Variants in MEIS2 observed in about 807,000 individuals in gnomAD.
MEIS2 encodes the protein Meis homeobox 2.
A neutral mutation model predicts 58.6 loss-of-function variants in MEIS2; 9 were observed. The observed-to-expected ratio is 0.15, with a 90% confidence interval of 0.09 to 0.27. The LOEUF (loss-of-function observed/expected upper bound fraction) is 0.27, where lower values mean the gene tolerates loss of function less well. Ranked by LOEUF, MEIS2 falls within the 10% of genes least tolerant of loss-of-function variation. The pLI is 1.00. For missense variants in MEIS2, 427 were observed against 635.0 expected (o/e 0.67, Z 3.52); for synonymous variants, 221 against 228.4 (o/e 0.97, Z 0.29).
chr15:36,971,111 T>G (rs1314999980), intron 8 of MEIS2, among the ~76,000 whole-genome samples: 36 of 137,666 alleles, frequency 2.6e-4, no homozygotes, highest in South Asian at 4.9e-4. Flanking sequence ...CTTGGGGGGG[T>G]GGGGGATGTA....
chr15:37,046,315 G>A (rs887624229), intron 7 of MEIS2, among the ~76,000 whole-genome samples: 2 of 152,176 alleles, frequency 1.3e-5, no homozygotes, highest in Non-Finnish European at 2.9e-5. Context: ...GGTACAGGCA[G>A]CTGCAAAGCA....
At chr15:37,039,154 G>T (rs974639586) in intron 7 of MEIS2, among the ~76,000 whole-genome samples, 5 of 152,184 alleles carry the variant, frequency 3.3e-5, no homozygotes. Flanking sequence ...CACTGCAAGT[G>T]CAAGTTTGAA....
Position 36,890,022 on chromosome 15 carries a change from C to T in MEIS2, c.*2151G>A, listed in dbSNP as rs2055792960. On this transcript the variant is annotated 3_prime_UTR_variant, in exon 12 of 12. Transcript: ENST00000561208. ...ACAAAACAATAGAAGTGTATTTCCT[C>T]GTTCATTTATATAGAACCTCCATAA... 6.6e-6 allele frequency: 1 copy of T among 152,104 alleles called. No individual in the cohort carries two copies. Among genetic ancestry groups the T allele is most frequent in the Admixed American group, 6.5e-5 (1 of 15,270 alleles). The allele number at this position is 152,104 out of a possible 1,614,324, so 9.4% of individuals were successfully genotyped here. A position where few individuals can be genotyped will look rare whatever the true frequency, so the allele number is the denominator to read the frequency against.
At chr15:37,019,982 G>T (rs1198761759) in intron 8 of MEIS2, among the ~76,000 whole-genome samples, 1 of 152,062 alleles carries the variant, frequency 6.6e-6, no homozygotes, top group Non-Finnish European at 1.5e-5. Flanking sequence ...CCAGATCCGG[G>T]GAGCTCGAAC....
chr15:37,031,484 C>T (rs1022236769), intron 8 of MEIS2, among the ~76,000 whole-genome samples: 14 of 143,236 alleles, frequency 9.8e-5, no homozygotes, highest in East Asian at 2.3e-4. Flanking sequence ...ACTAAGTTTA[C>T]GGTCATATGG....
At chr15:36,910,938 G>A (rs1004276842) in intron 9 of MEIS2, among the ~76,000 whole-genome samples, 2 of 151,814 alleles carry the variant, frequency 1.3e-5, no homozygotes, top group Non-Finnish European at 2.9e-5. Flanking sequence ...CCGGCTATTC[G>A]AGAGGCTGAG....
In MEIS2 at chr15:36,890,161, C is replaced by T. The variant is rs908426778; in HGVS notation, c.*2012G>A. On this transcript the variant is annotated 3_prime_UTR_variant, in exon 12 of 12. Coordinates refer to ENST00000561208, the MANE Select transcript of MEIS2 (RefSeq NM_170675.5). ...TCCTTAGCCGGTTGACATCACATAT[C>T]TAGCCAAAGTATATGACATTATTCT... 3 of 152,144 alleles carry T rather than the reference C, an allele frequency of 2.0e-5. No homozygotes were observed. The highest frequency in any genetic ancestry group is 7.2e-5 in the African/African-American group (3 of 41,438). 9.4% of individuals were successfully genotyped at this position (152,144 alleles called of 1,614,324 possible). A position where few individuals can be genotyped will look rare whatever the true frequency, so the allele number is the denominator to read the frequency against.
chr15:37,050,410 C>G (rs567168382), intron 7 of MEIS2, among the ~76,000 whole-genome samples: 3 of 152,150 alleles, frequency 2.0e-5, no homozygotes, highest in African/African-American at 7.2e-5. Flanking sequence ...ATATCTAAAA[C>G]TTGGAAACAG....
chr15:36,924,128 T>A (rs559079527), intron 9 of MEIS2, among the ~76,000 whole-genome samples: 3 of 152,202 alleles, frequency 2.0e-5, no homozygotes, highest in Non-Finnish European at 4.4e-5. Context: ...TATTTGCTAA[T>A]CATTACTTCA....
intron 6 of MEIS2, among the ~76,000 whole-genome samples, chr15:37,089,380 C>T (rs1278482716): frequency 6.6e-6 from 1 of 151,960 alleles, no homozygotes; most frequent in Non-Finnish European, 1.5e-5. Flanking sequence ...TATCTAGAGT[C>T]ACTTGCCCAT....
At chr15:37,075,199 C>T (rs28444627) in intron 7 of MEIS2, among the ~76,000 whole-genome samples, 11,461 of 152,060 alleles carry the variant, frequency 0.075, 487 homozygotes, top group African/African-American at 0.11. Context: ...AGACATCCAT[C>T]TATACATTTT....
Position 36,892,465 on chromosome 15 carries a change from A to G in MEIS2, c.1148-6T>C, listed in dbSNP as rs943819281. The G allele has an allele frequency of 1.2e-6, 2 of 1,611,336 alleles. No individual in the cohort carries two copies. The highest frequency in any genetic ancestry group is 1.7e-6 in the Non-Finnish European group (2 of 1,179,186). ...CCCTGGCATGCTCTGCAAACCTGAA[A>G]ATAGAGAGGGAAAAAGAAAGCGGGT... On this transcript the variant is annotated splice_region_variant and splice_polypyrimidine_tract_variant and intron_variant, in intron 11 of 11. Transcript: ENST00000561208.
At chr15:37,099,253 C>G in intron 1 of MEIS2, 2 of 1,440,636 alleles carry the variant, frequency 1.4e-6, no homozygotes, top group Non-Finnish European at 1.8e-6. Context: ...GACACGCACA[C>G]ACGCACGCAC....
intron 9 of MEIS2, among the ~76,000 whole-genome samples, chr15:36,945,188 C>T (rs1463073865): frequency 6.6e-6 from 1 of 151,966 alleles, no homozygotes; most frequent in Non-Finnish European, 1.5e-5. Flanking sequence ...AGGCCTGAAA[C>T]TGACCCTCTG....
At chr15:36,981,961 G>A (rs1197731203) in intron 8 of MEIS2, among the ~76,000 whole-genome samples, 1 of 152,016 alleles carries the variant, frequency 6.6e-6, no homozygotes, top group Non-Finnish European at 1.5e-5. Flanking sequence ...CCAAGTTCCA[G>A]TTCTCAGGCC....
intron 9 of MEIS2, among the ~76,000 whole-genome samples, chr15:36,929,751 G>C (rs2057897103): frequency 6.6e-6 from 1 of 152,186 alleles, no homozygotes; most frequent in Non-Finnish European, 1.5e-5. Context: ...TGAATATGTG[G>C]TTTTGAAGGA....
intron 8 of MEIS2, among the ~76,000 whole-genome samples, chr15:37,001,679 T>C (rs2060733668): frequency 6.6e-6 from 1 of 152,202 alleles, no homozygotes; most frequent in Non-Finnish European, 1.5e-5. Flanking sequence ...CAACCTTTAG[T>C]CATTCCCCTA....
At chr15:37,088,380 C>T (rs1893137818) in intron 6 of MEIS2, among the ~76,000 whole-genome samples, 1 of 152,148 alleles carries the variant, frequency 6.6e-6, no homozygotes, top group African/African-American at 2.4e-5. Context: ...GGAAGATATA[C>T]TTGTATCAAC....
At chr15:36,938,604 T>C (rs1210255050) in intron 9 of MEIS2, among the ~76,000 whole-genome samples, 1 of 152,242 alleles carries the variant, frequency 6.6e-6, no homozygotes. Context: ...TCACCTATCA[T>C]CTACCACGAC....
Sources: gnomAD v4.1 joint callset for allele counts (sites outside exome capture counted in the v4.1 genomes callset) on GRCh38, gnomAD v4.1.1 for gene constraint, MANE v1.5 for transcripts, NCBI Gene and HGNC (gene_info 2026-07-23, HGNC 2026-07-21) for gene names.